The following ZEB1 variants were observed in gnomAD, a reference collection of about 807,000 sequenced individuals.
ZEB1 encodes the protein zinc finger E-box-binding homeobox 1.
ZEB1 carries 21 observed loss-of-function variants against 84.9 expected under a neutral mutation model. That is an observed-to-expected ratio of 0.25 (90% CI 0.18 to 0.36). The LOEUF is 0.36. Among genes scored for constraint, ZEB1 ranks in the 10% least tolerant of loss-of-function variants. The pLI is 1.00. For synonymous variants in ZEB1, 420 were observed against 471.1 expected (o/e 0.89, Z 1.41); for missense variants, 1,104 against 1,330.2 (o/e 0.83, Z 2.65).
rs538269130 is a variant in ZEB1 at position 31,427,237 on chromosome 10, T to C, written c.59-33800T>C. Among the ~76,000 whole-genome samples, 221 of 152,304 alleles carry C rather than the reference T, an allele frequency of 1.5e-3. 1 individual carries two copies. Among genetic ancestry groups the C allele is most frequent in the Non-Finnish European group, 2.7e-3 (183 of 68,026 alleles). On this transcript the variant is annotated intron_variant, in intron 1 of 8. Transcript: ENST00000424869. ...AGCTCTAGAGTCAGTATCCTGGATA[T>C]AAATGCTAAATCCACCACTTACTGA...
intron 1 of ZEB1, among the ~76,000 whole-genome samples, chr10:31,397,159 TTTATTATTATTATTATTA>T (rs200770494): frequency 1.0e-4 from 13 of 128,358 alleles, no homozygotes; most frequent in South Asian, 5.5e-4. Context: ...TCTTGGGTTT[TTTATTATTATTATTATTA>T]TTATTATTAT....
Position 31,450,373 on chromosome 10 carries a change from T to G in ZEB1, c.59-10664T>G, listed in dbSNP as rs376240366. On this transcript the variant is annotated intron_variant, in intron 1 of 8. Coordinates refer to ENST00000424869, the MANE Select transcript of ZEB1 (RefSeq NM_001174096.2). ...GTGTTTTTAGCTGGTTATTGTTGAT[T>G]ATTGGAAAGCTGTTGATTTTTTTCT... 3.3e-5 allele frequency among the ~76,000 whole-genome samples: 5 copies of G among 152,152 alleles called. No individual in the cohort carries two copies. The South Asian group carries it at 8.3e-4, about 25-fold the overall frequency.
At chr10:31,508,625 C>T (rs1451524688) in intron 4 of ZEB1, among the ~76,000 whole-genome samples, 1 of 152,076 alleles carries the variant, frequency 6.6e-6, no homozygotes, top group Non-Finnish European at 1.5e-5. Flanking sequence ...AGGAGGTAAG[C>T]TGGGCCAGAT....
chr10:31,321,004 C>A, intron 1 of ZEB1: 1 of 376,336 alleles, frequency 2.7e-6, no homozygotes, highest in Non-Finnish European at 3.7e-6. Flanking sequence ...ATTTTTAAAA[C>A]GACTTTTAAG....
At chr10:31,480,040 A>G (rs7101128) in intron 2 of ZEB1, among the ~76,000 whole-genome samples, 37,145 of 151,886 alleles carry the variant, frequency 0.24, 10,374 homozygotes, top group African/African-American at 0.69. Context: ...TCTTAAAGGC[A>G]TCCTTATGCT....
intron 1 of ZEB1, among the ~76,000 whole-genome samples, chr10:31,437,799 C>T (rs1476745357): frequency 6.6e-6 from 1 of 152,156 alleles, no homozygotes; most frequent in African/African-American, 2.4e-5. Context: ...TTTTAAATTA[C>T]ACATACAGCA....
At chr10:31,339,991 A>G (rs2039034626) in intron 1 of ZEB1, among the ~76,000 whole-genome samples, 2 of 152,258 alleles carry the variant, frequency 1.3e-5, no homozygotes, top group Non-Finnish European at 2.9e-5. Context: ...ACAGCACAGG[A>G]GAACAAATTA....
Position 31,502,466 on chromosome 10 carries a change from C to G in ZEB1, c.441C>G (p.Asp147Glu). 1 of 1,613,772 alleles carries G rather than the reference C, an allele frequency of 6.2e-7. No individual in the cohort carries two copies. The highest frequency in any genetic ancestry group is 8.5e-7 in the Non-Finnish European group (1 of 1,179,812). The change falls in exon 4 of 9, where the codon GAC (aspartate) becomes GAG (glutamate). Residue 147 changes from aspartate to glutamate, a missense_variant. Asp to Glu is a conservative substitution (Grantham distance 45). Coordinates refer to ENST00000424869, the MANE Select transcript of ZEB1 (RefSeq NM_001174096.2). ...AVIFPEAPEEDQRQGTPEASG... is the reference protein window; with the variant it reads ...AVIFPEAPEEEQRQGTPEASG... ...TTTTTCCTGAGGCACCTGAAGAGGACCAGAGGCAGGGCACACCAGAAGCCA... is the reference window on the plus strand; with the variant it reads ...TTTTTCCTGAGGCACCTGAAGAGGAGCAGAGGCAGGGCACACCAGAAGCCA...
chr10:31,418,720 G>A (rs2055639456), intron 1 of ZEB1, among the ~76,000 whole-genome samples: 1 of 152,002 alleles, frequency 6.6e-6, no homozygotes, highest in Non-Finnish European at 1.5e-5. Flanking sequence ...TGTTCTGACT[G>A]GTAGTAGCAA....
chr10:31,491,561 T>TA (rs1287386196), intron 2 of ZEB1, among the ~76,000 whole-genome samples: 4 of 151,784 alleles, frequency 2.6e-5, no homozygotes, highest in African/African-American at 9.7e-5. Flanking sequence ...GGGTACCTTT[T>TA]AAAAAAAGAA....
chr10:31,401,660 C>T (rs932534072), intron 1 of ZEB1, among the ~76,000 whole-genome samples: 1 of 152,118 alleles, frequency 6.6e-6, no homozygotes, highest in South Asian at 2.1e-4. Context: ...TGCACTGAAA[C>T]AAATTTGCAT....
intron 1 of ZEB1, among the ~76,000 whole-genome samples, chr10:31,386,668 C>T (rs1485191663): frequency 1.3e-5 from 2 of 151,986 alleles, no homozygotes; most frequent in African/African-American, 4.8e-5. Flanking sequence ...GTAGATTATT[C>T]TGTGGCATTT....
chr10:31,486,463 C>G (rs931301283), intron 2 of ZEB1, among the ~76,000 whole-genome samples: 1 of 151,708 alleles, frequency 6.6e-6, no homozygotes, highest in East Asian at 1.9e-4. Context: ...CATTTGCATT[C>G]CCCTAATGGC....
intron 2 of ZEB1, among the ~76,000 whole-genome samples, chr10:31,483,757 A>G (rs1347513147): frequency 6.6e-6 from 1 of 152,034 alleles, no homozygotes; most frequent in African/African-American, 2.4e-5. Context: ...TGTTCTATAA[A>G]TATTTAACCA....
intron 2 of ZEB1, among the ~76,000 whole-genome samples, chr10:31,471,543 G>T (rs1336998371): frequency 7.6e-5 from 11 of 145,610 alleles, no homozygotes; most frequent in Non-Finnish European, 1.2e-4. Flanking sequence ...CAATACAGGA[G>T]CACCCAGATT....
chr10:31,406,453 T>G lies in ZEB1; in HGVS notation c.59-54584T>G, dbSNP rs550039755. On this transcript the variant is annotated intron_variant, in intron 1 of 8. Coordinates refer to ENST00000424869, the MANE Select transcript of ZEB1 (RefSeq NM_001174096.2). ...TTCTCTAATGACCAGTGATGATGAG[T>G]TTTTTTTTTTTCATATATTTTTTGG... 1.2e-4 allele frequency among the ~76,000 whole-genome samples: 16 copies of G among 128,898 alleles called. No homozygotes were observed. The East Asian group carries it at 1.7e-3, about 14-fold the overall frequency. 84.6% of individuals were successfully genotyped at this position (128,898 alleles called of 152,430 possible). A position where few individuals can be genotyped will look rare whatever the true frequency, so the allele number is the denominator to read the frequency against.
chr10:31,506,633 C>A (rs1224611075), intron 4 of ZEB1, among the ~76,000 whole-genome samples: 1 of 152,042 alleles, frequency 6.6e-6, no homozygotes, highest in Non-Finnish European at 1.5e-5. Context: ...TGTCCCTTTA[C>A]TTTCAGTCTA....
chr10:31,458,317 GTGTGTGTGTGTGTGTGTGT>G (rs929204165), intron 1 of ZEB1, among the ~76,000 whole-genome samples: 23 of 121,450 alleles, frequency 1.9e-4, no homozygotes, highest in African/African-American at 1.2e-3. Context: ...CATTCCGTGT[GTGTGTGTGTGTGTGTGTGT>G]TGTGTGTGTG....
intron 1 of ZEB1, among the ~76,000 whole-genome samples, chr10:31,457,426 A>C (rs2061362858): frequency 6.6e-6 from 1 of 152,100 alleles, no homozygotes; most frequent in Non-Finnish European, 1.5e-5. Context: ...TTTTTCTCTC[A>C]GCTAAGTGAC....
Sources: allele counts gnomAD v4.1 joint callset (sites outside exome capture counted in the v4.1 genomes callset), GRCh38; gene constraint gnomAD v4.1.1; transcripts MANE v1.5; gene names NCBI Gene and HGNC (gene_info 2026-07-23, HGNC 2026-07-21).